Variants in SLMAP observed in about 807,000 individuals in gnomAD.
The protein encoded by SLMAP is sarcolemmal membrane-associated protein.
SLMAP carries 44 observed loss-of-function variants against 128.8 expected under a neutral mutation model. The ratio of observed to expected loss-of-function variants is 0.34; its 90% CI spans 0.27 to 0.44. The LOEUF (loss-of-function observed/expected upper bound fraction) is 0.44. Ranked by LOEUF, SLMAP falls within the 20% of genes least tolerant of loss-of-function variation. The pLI is 1.00. For missense variants in SLMAP, 787 were observed against 985.3 expected (o/e 0.80, Z 2.69); for synonymous variants, 327 against 348.8 (o/e 0.94, Z 0.70).
At chr3:57,860,903 C>T in intron 9 of SLMAP, 64 bp downstream of exon 9, 1 of 1,329,334 alleles carries the variant, frequency 7.5e-7, no homozygotes, top group South Asian at 1.4e-5. Flanking sequence ...CTCAAGCATT[C>T]CAGGATACTT....
intron 5 of SLMAP, 110 bp downstream of exon 5, chr3:57,847,343 A>G: frequency 1.3e-6 from 1 of 766,540 alleles, no homozygotes. Context: ...ATAACAAAAT[A>G]TGTAGAATGC....
chr3:57,919,886 C>T (rs1451780164), intron 22 of SLMAP, among the ~76,000 whole-genome samples: 3 of 152,128 alleles, frequency 2.0e-5, no homozygotes, highest in East Asian at 1.9e-4. Flanking sequence ...ACCTTCTTGC[C>T]GTGGGGCCAG....
chr3:57,806,451 T>C (rs1030006031), intron 2 of SLMAP, among the ~76,000 whole-genome samples: 1 of 152,152 alleles, frequency 6.6e-6, no homozygotes, highest in South Asian at 2.1e-4. Flanking sequence ...CTTTTCTTTT[T>C]TTTTGAGACA....
At chr3:57,813,446 G>T (rs993064507) in intron 2 of SLMAP, among the ~76,000 whole-genome samples, 3 of 152,060 alleles carry the variant, frequency 2.0e-5, no homozygotes, top group Non-Finnish European at 4.4e-5. Flanking sequence ...CAAAAAAGTT[G>T]TATCAATTTA....
At chr3:57,906,361 G>A (rs971672825) in intron 17 of SLMAP, among the ~76,000 whole-genome samples, 15 of 117,966 alleles carry the variant, frequency 1.3e-4, no homozygotes, top group Non-Finnish European at 2.2e-4. Flanking sequence ...TGTCGCCCAG[G>A]CTGGAGTGCA....
chr3:57,838,489 C>G (rs1416747554), intron 3 of SLMAP, among the ~76,000 whole-genome samples: 1 of 152,208 alleles, frequency 6.6e-6, no homozygotes, highest in Non-Finnish European at 1.5e-5. Flanking sequence ...CCAGATGACT[C>G]TGCTAAGTAC....
intron 14 of SLMAP, among the ~76,000 whole-genome samples, chr3:57,889,682 C>G: frequency 6.6e-6 from 1 of 151,166 alleles, no homozygotes. Context: ...ATTTTTATTA[C>G]TTCTTCATTT....
chr3:57,829,589 A>G (rs2093191926), intron 2 of SLMAP, among the ~76,000 whole-genome samples: 1 of 152,236 alleles, frequency 6.6e-6, no homozygotes, highest in African/African-American at 2.4e-5. Flanking sequence ...GTGAAATGTT[A>G]AGTCCTGTAA....
At chr3:57,925,804 T>C in intron 23 of SLMAP, 41 bp from the exon 24 acceptor site, 1 of 1,414,816 alleles carries the variant, frequency 7.1e-7, no homozygotes, top group Non-Finnish European at 9.8e-7. Flanking sequence ...CTGATTACTT[T>C]CATAGCATAA....
At chr3:57,863,042 T>C (rs954455750) in intron 10 of SLMAP, among the ~76,000 whole-genome samples, 29 of 152,300 alleles carry the variant, frequency 1.9e-4, no homozygotes, top group South Asian at 2.1e-4. Flanking sequence ...TCAGATGTTT[T>C]AAAACCTAAA....
At chr3:57,883,742 CCA>C in intron 14 of SLMAP, among the ~76,000 whole-genome samples, 1 of 152,136 alleles carries the variant, frequency 6.6e-6, no homozygotes, top group South Asian at 2.1e-4. Context: ...ATATGGGTTT[CCA>C]CTTTCTCTTT....
chr3:57,790,626 A>T (rs752504848), intron 2 of SLMAP, among the ~76,000 whole-genome samples: 4 of 152,192 alleles, frequency 2.6e-5, no homozygotes, highest in Non-Finnish European at 4.4e-5. Flanking sequence ...TAGGTGCTAA[A>T]TATGTGAGTT....
chr3:57,920,205 C>T (rs903342485), intron 22 of SLMAP, among the ~76,000 whole-genome samples: 4 of 152,246 alleles, frequency 2.6e-5, no homozygotes, highest in Non-Finnish European at 5.9e-5. Context: ...CAGTAATCTT[C>T]TGCCTTCTGG....
At chr3:57,758,627 T>A (rs1293494178) in intron 2 of SLMAP, among the ~76,000 whole-genome samples, 1 of 152,264 alleles carries the variant, frequency 6.6e-6, no homozygotes, top group Non-Finnish European at 1.5e-5. Context: ...TAGCATTACT[T>A]AAATGTGATA....
chr3:57,799,798 G>A (rs892230364), intron 2 of SLMAP, among the ~76,000 whole-genome samples: 9 of 151,866 alleles, frequency 5.9e-5, no homozygotes, highest in African/African-American at 1.5e-4. Context: ...AAACATATTC[G>A]CGAGCTTTTT....
rs920284614 is a variant in SLMAP at position 57,919,812 on chromosome 3, T to A, written c.2310+2735T>A. On this transcript the variant is annotated intron_variant, in intron 22 of 24. Coordinates refer to ENST00000671191, the MANE Select transcript of SLMAP (RefSeq NM_001377540.1). ...CTCCATCTCAAAAAAAAAAAAAAAA[T>A]TCCTAAAACATTGAGCACACAGTCC... Among the ~76,000 whole-genome samples the A allele has an allele frequency of 1.5e-3, 232 of 149,938 alleles. 1 individual carries two copies. The highest frequency in any genetic ancestry group is 2.7e-3 in the Non-Finnish European group (185 of 67,344).
chr3:57,855,722 A>AAC (rs2094741567), intron 6 of SLMAP, among the ~76,000 whole-genome samples: 2 of 149,262 alleles, frequency 1.3e-5, no homozygotes, highest in Non-Finnish European at 3.0e-5. Context: ...AAAAAAAAAA[A>AAC]AAACAAAAAA....
intron 3 of SLMAP, among the ~76,000 whole-genome samples, chr3:57,839,135 TAG>T (rs2093788277): frequency 6.6e-6 from 1 of 151,872 alleles, no homozygotes; most frequent in African/African-American, 2.4e-5. Context: ...AAATTTTTTG[TAG>T]AGAGTGGGTC....
chr3:57,851,882 A>G (rs1042677835), intron 6 of SLMAP, among the ~76,000 whole-genome samples: 2 of 152,248 alleles, frequency 1.3e-5, no homozygotes, highest in South Asian at 2.1e-4. Context: ...CTTTTGTTTC[A>G]AATAATAGAA....
Sources: gnomAD v4.1 joint callset for allele counts (sites outside exome capture counted in the v4.1 genomes callset) on GRCh38, gnomAD v4.1.1 for gene constraint, MANE v1.5 for transcripts, NCBI Gene and HGNC (gene_info 2026-07-23, HGNC 2026-07-21) for gene names.